NCS1: variants seen among roughly 807,000 people sequenced by gnomAD.
The protein encoded by NCS1 is neuronal calcium sensor 1.
In NCS1, 6 loss-of-function variants were observed where a neutral mutation model predicts 28.4. The ratio of observed to expected loss-of-function variants is 0.21; its 90% CI spans 0.12 to 0.42. The LOEUF (loss-of-function observed/expected upper bound fraction) is 0.42. Ranked by LOEUF, NCS1 falls within the 10% of genes least tolerant of loss-of-function variation. The pLI, the probability that NCS1 is intolerant of heterozygous loss-of-function variation, is 1.00. For synonymous variants in NCS1, 86 were observed against 99.3 expected (o/e 0.87, Z 0.79); for missense variants, 131 against 241.4 (o/e 0.54, Z 3.03).
intron 1 of NCS1, among the ~76,000 whole-genome samples, chr9:130,197,884 G>A (rs1473842906): frequency 1.3e-5 from 2 of 150,640 alleles, no homozygotes; most frequent in Non-Finnish European, 2.9e-5. Flanking sequence ...AGGATCACTT[G>A]AACCCGGGAG....
At chr9:130,185,981 C>A (rs1445509850) in intron 1 of NCS1, among the ~76,000 whole-genome samples, 2 of 152,222 alleles carry the variant, frequency 1.3e-5, no homozygotes, top group Non-Finnish European at 2.9e-5. Context: ...TTCCCCAGCT[C>A]AGGTTCTGTG....
chr9:130,212,391 G>C (rs1415931498), intron 2 of NCS1, among the ~76,000 whole-genome samples: 3 of 151,522 alleles, frequency 2.0e-5, no homozygotes, highest in Non-Finnish European at 4.4e-5. Flanking sequence ...GCATCTGTCT[G>C]GCAGAGGCTG....
chr9:130,188,130 G>T (rs1832764027), intron 1 of NCS1, among the ~76,000 whole-genome samples: 1 of 152,236 alleles, frequency 6.6e-6, no homozygotes, highest in Non-Finnish European at 1.5e-5. Flanking sequence ...TATATTAATA[G>T]TAGTGGCAAT....
At position 130,177,925 on chromosome 9, in the gene NCS1, C is replaced by G. The variant is rs1832597903; in HGVS notation, c.64+5198C>G. On this transcript the variant is annotated intron_variant, in intron 1 of 7. Transcript: ENST00000372398. This position sits in a 1 kb window ranked among gnomAD's most constrained non-coding sequence, Gnocchi z 4.4. Reference sequence around the variant, plus strand: ...TCCTCTCACCGGCTTCACTTTCCGCCTCTGGAAAATGGGCAGTTTTGGAAG... The same window carrying G: ...TCCTCTCACCGGCTTCACTTTCCGCGTCTGGAAAATGGGCAGTTTTGGAAG... Among the ~76,000 whole-genome samples the G allele has an allele frequency of 6.6e-6, 1 of 152,228 alleles. No homozygotes were observed. The highest frequency in any genetic ancestry group is 2.1e-4 in the South Asian group (1 of 4,826).
rs782507951 is a variant in NCS1 at position 130,222,886 on chromosome 9, G to GGGCA, written c.396+157_396+160dup. ...TGAGCCGTTCTGTACATCTCTGCCT[G>GGGCA]GGCAGGCAGGCACAAGCTGGTAGAT... On this transcript the variant is annotated intron_variant, in intron 5 of 7. Coordinates refer to ENST00000372398, the MANE Select transcript of NCS1 (RefSeq NM_014286.4). 3.2e-6 allele frequency: 3 copies of GGGCA among 949,728 alleles called. No individual in the cohort carries two copies. The East Asian group carries it at 7.8e-5, about 25-fold the overall frequency. The allele number at this position is 949,728 out of a possible 1,614,324, so 58.8% of individuals were successfully genotyped here. A position where few individuals can be genotyped will look rare whatever the true frequency, so the allele number is the denominator to read the frequency against.
intron 2 of NCS1, among the ~76,000 whole-genome samples, chr9:130,212,449 G>A (rs1373083578): frequency 2.7e-5 from 4 of 150,414 alleles, no homozygotes; most frequent in Non-Finnish European, 4.4e-5. Flanking sequence ...CTGCACGACA[G>A]CGACCTGGCC....
intron 1 of NCS1, among the ~76,000 whole-genome samples, chr9:130,174,849 T>C (rs181937948): frequency 3.2e-4 from 46 of 143,324 alleles, no homozygotes; most frequent in Admixed American, 2.8e-3. Context: ...TAGAAGCCCA[T>C]GATGGTGGAT....
rs1156446485 is a variant in NCS1, at chr9:130,232,087, T to C, written c.*18-903T>C. 6.6e-6 allele frequency among the ~76,000 whole-genome samples: 1 copy of C among 152,066 alleles called. No homozygotes were observed. On this transcript the variant is annotated intron_variant, in intron 7 of 7. Coordinates refer to ENST00000372398, the MANE Select transcript of NCS1 (RefSeq NM_014286.4). The surrounding 1 kb of genome is among the most constrained non-coding windows in gnomAD (Gnocchi z 4.4). ...TGAGCCTCCCAAGCAGCTGGAATTA[T>C]AGGTGTGCGCAGCCACGTCCGGCTA...
rs1332015717 is a variant in NCS1 at position 130,234,112 on chromosome 9, AAGTT to A, written c.*1143_*1146del. On this transcript the variant is annotated 3_prime_UTR_variant, in exon 8 of 8. Coordinates refer to ENST00000372398, the MANE Select transcript of NCS1 (RefSeq NM_014286.4). This position sits in a 1 kb window ranked among gnomAD's most constrained non-coding sequence, Gnocchi z 6.1. ...AGTCAGGAGAGGTGGTCTTTGAAGTAAGTTAGCAGAAATCAAGGGGACCCCCGCC... is the reference window on the plus strand; with the variant it reads ...AGTCAGGAGAGGTGGTCTTTGAAGTAAGCAGAAATCAAGGGGACCCCCGCC... 1.3e-5 allele frequency: 2 copies of A among 152,174 alleles called. No individual in the cohort carries two copies. The highest frequency in any genetic ancestry group is 4.8e-5 in the African/African-American group (2 of 41,422). 9.4% of individuals were successfully genotyped at this position (152,174 alleles called of 1,614,324 possible). A position where few individuals can be genotyped will look rare whatever the true frequency, so the allele number is the denominator to read the frequency against.
intron 1 of NCS1, among the ~76,000 whole-genome samples, chr9:130,185,471 G>A (rs1026438424): frequency 1.3e-5 from 2 of 152,194 alleles, no homozygotes; most frequent in Non-Finnish European, 2.9e-5. Context: ...GGGATCCTGA[G>A]AAGTGGGGTG....
intron 1 of NCS1, among the ~76,000 whole-genome samples, chr9:130,182,595 A>C (rs1832676116): frequency 6.6e-6 from 1 of 152,148 alleles, no homozygotes; most frequent in African/African-American, 2.4e-5. Context: ...CGCTGATAGG[A>C]GTGTGTGGCG....
At position 130,215,506 on chromosome 9, in the gene NCS1, G is replaced by A. The variant is rs141052242; in HGVS notation, c.90-2326G>A. On this transcript the variant is annotated intron_variant, in intron 2 of 7. Transcript: ENST00000372398. The surrounding 1 kb of genome is among the most constrained non-coding windows in gnomAD (Gnocchi z 4.2). The stretch of plus-strand genomic sequence containing the variant: ...GTGGGCCTGCGGACATCACATGCAC[G>A]GGAGGGACGGATGCTGGGGTCGCAC... 2.0e-5 allele frequency among the ~76,000 whole-genome samples: 3 copies of A among 152,304 alleles called. No homozygotes were observed. Among genetic ancestry groups the A allele is most frequent in the African/African-American group, 4.8e-5 (2 of 41,574 alleles).
rs1430103445 is a variant in NCS1, at chr9:130,175,585, AG to A, written c.64+2859del. 6.6e-6 allele frequency among the ~76,000 whole-genome samples: 1 copy of A among 152,236 alleles called. No homozygotes were observed. The highest frequency in any genetic ancestry group is 1.9e-4 in the East Asian group (1 of 5,170). ...GCCCACCTCATGCATAGCTGGCCAC[AG>A]TGCCAAGGGGGCCTAGAGGGGAGCC... On this transcript the variant is annotated intron_variant, in intron 1 of 7. Coordinates refer to ENST00000372398, the MANE Select transcript of NCS1 (RefSeq NM_014286.4). The surrounding 1 kb of genome is among the most constrained non-coding windows in gnomAD (Gnocchi z 4.9).
At chr9:130,213,524 C>T (rs1414140359) in intron 2 of NCS1, among the ~76,000 whole-genome samples, 3 of 151,986 alleles carry the variant, frequency 2.0e-5, no homozygotes, top group Admixed American at 6.6e-5. Context: ...TGTGATCCGC[C>T]CGTCTCAGCC....
chr9:130,192,966 G>GA lies in NCS1; in HGVS notation c.65-7986dup, dbSNP rs1399702887. Among the ~76,000 whole-genome samples, 1 of 152,318 alleles carries GA rather than the reference G, an allele frequency of 6.6e-6. No individual in the cohort carries two copies. The highest frequency in any genetic ancestry group is 1.9e-4 in the East Asian group (1 of 5,180). On this transcript the variant is annotated intron_variant, in intron 1 of 7. Coordinates refer to ENST00000372398, the MANE Select transcript of NCS1 (RefSeq NM_014286.4). The surrounding 1 kb of genome is among the most constrained non-coding windows in gnomAD (Gnocchi z 4.8). The stretch of plus-strand genomic sequence containing the variant: ...TGGGGAAACCGAAACCCAAACTGGG[G>GA]AAAAAACCGGTCACACAGCAACGGA...
At chr9:130,203,046 ATGTGTGTGTGTGTG>A (rs113946626) in intron 2 of NCS1, among the ~76,000 whole-genome samples, 3 of 142,624 alleles carry the variant, frequency 2.1e-5, no homozygotes, top group Admixed American at 1.4e-4. Flanking sequence ...CAGGGTAAAT[ATGTGTGTGTGTGTG>A]TGTGTGTGTG....
chr9:130,222,245 C>T (rs1267467601), intron 4 of NCS1, among the ~76,000 whole-genome samples: 3 of 151,440 alleles, frequency 2.0e-5, no homozygotes, highest in Non-Finnish European at 2.9e-5. Flanking sequence ...AACTTCGCCT[C>T]CTGGGCTCAA....
In NCS1 at chr9:130,234,702, G is replaced by C. The variant is rs1488037710; in HGVS notation, c.*1730G>C. 6.6e-6 allele frequency: 1 copy of C among 152,200 alleles called. No homozygotes were observed. The highest frequency in any genetic ancestry group is 1.9e-4 in the East Asian group (1 of 5,190). 9.4% of individuals were successfully genotyped at this position (152,200 alleles called of 1,614,324 possible). On this transcript the variant is annotated 3_prime_UTR_variant, in exon 8 of 8. Transcript: ENST00000372398. The surrounding 1 kb of genome is among the most constrained non-coding windows in gnomAD (Gnocchi z 6.1). Reference sequence around the variant, plus strand: ...CCTATTGCGTGGCTGCTGGTGTGTGGGGTCAGTTCCAGCAGATGAATGTGT... The same window carrying C: ...CCTATTGCGTGGCTGCTGGTGTGTGCGGTCAGTTCCAGCAGATGAATGTGT...
intron 1 of NCS1, among the ~76,000 whole-genome samples, chr9:130,198,057 CA>C (rs1554907040): frequency 6.6e-6 from 1 of 151,992 alleles, no homozygotes; most frequent in African/African-American, 2.4e-5. Flanking sequence ...GGATACCTGC[CA>C]GCCTCAACTG....
Sources: allele counts gnomAD v4.1 joint callset (sites outside exome capture counted in the v4.1 genomes callset), GRCh38; gene constraint gnomAD v4.1.1; non-coding constraint Gnocchi (gnomAD v3.1); transcripts MANE v1.5; gene names NCBI Gene and HGNC (gene_info 2026-07-23, HGNC 2026-07-21).